Variants in KCNH8 observed in about 807,000 individuals in gnomAD.
The protein encoded by KCNH8 is voltage-gated delayed rectifier potassium channel KCNH8.
KCNH8 carries 70 observed loss-of-function variants against 103.6 expected under a neutral mutation model. That is an observed-to-expected ratio of 0.68 (90% confidence interval 0.56 to 0.82). The LOEUF (loss-of-function observed/expected upper bound fraction) is 0.82, where lower values mean the gene tolerates loss of function less well. Ranked by LOEUF, KCNH8 falls within the 40% of genes least tolerant of loss-of-function variation. KCNH8 has a pLI of 0.00. For synonymous variants in KCNH8, 498 were observed against 489.4 expected (o/e 1.02, Z -0.23); for missense variants, 1,217 against 1,329.9 (o/e 0.92, Z 1.32).
At chr3:19,154,899 G>A (rs1412607351) in intron 1 of KCNH8, among the ~76,000 whole-genome samples, 1 of 152,200 alleles carries the variant, frequency 6.6e-6, no homozygotes, top group Non-Finnish European at 1.5e-5. Flanking sequence ...TATATTTGCT[G>A]ATCTCATCTA....
chr3:19,489,316 C>T (rs746717775), intron 11 of KCNH8, among the ~76,000 whole-genome samples: 5 of 151,980 alleles, frequency 3.3e-5, no homozygotes, highest in South Asian at 4.2e-4. Context: ...TGAATTCCCT[C>T]GGTGGGTGGA....
At chr3:19,290,844 G>C (rs1290615344) in intron 3 of KCNH8, among the ~76,000 whole-genome samples, 4 of 152,134 alleles carry the variant, frequency 2.6e-5, no homozygotes, top group South Asian at 2.1e-4. Flanking sequence ...CTTTGTACCT[G>C]TGGTAGAATT....
chr3:19,355,048 C>G (rs1387296174), intron 5 of KCNH8, among the ~76,000 whole-genome samples: 2 of 152,120 alleles, frequency 1.3e-5, no homozygotes, highest in Non-Finnish European at 2.9e-5. Context: ...AACAATCAAA[C>G]AACCCCATCA....
chr3:19,334,380 G>A (rs1369498425), intron 3 of KCNH8, among the ~76,000 whole-genome samples: 1 of 152,086 alleles, frequency 6.6e-6, no homozygotes, highest in East Asian at 1.9e-4. Context: ...TATAGCTTGC[G>A]ATGATTGCAC....
At chr3:19,151,584 G>A (rs2063130941) in intron 1 of KCNH8, among the ~76,000 whole-genome samples, 1 of 151,988 alleles carries the variant, frequency 6.6e-6, no homozygotes, top group South Asian at 2.1e-4. Flanking sequence ...GACATCATCT[G>A]AAAATCCTCC....
intron 1 of KCNH8, among the ~76,000 whole-genome samples, chr3:19,186,039 T>A (rs1449251503): frequency 6.6e-6 from 1 of 151,832 alleles, no homozygotes; most frequent in Non-Finnish European, 1.5e-5. Context: ...TCATGGAAAA[T>A]AGGGATTTAG....
intron 8 of KCNH8, among the ~76,000 whole-genome samples, chr3:19,442,025 G>A (rs1198212346): frequency 6.6e-6 from 1 of 152,204 alleles, no homozygotes; most frequent in Non-Finnish European, 1.5e-5. Context: ...TTCAGAAGCA[G>A]TGAGAGTTTC....
intron 1 of KCNH8, among the ~76,000 whole-genome samples, chr3:19,191,476 A>T (rs1170833790): frequency 6.6e-6 from 1 of 151,896 alleles, no homozygotes; most frequent in Non-Finnish European, 1.5e-5. Flanking sequence ...CAGTTTAAGA[A>T]TTAACTAATG....
At chr3:19,332,793 C>G (rs553281012) in intron 3 of KCNH8, among the ~76,000 whole-genome samples, 5 of 151,960 alleles carry the variant, frequency 3.3e-5, no homozygotes, top group African/African-American at 4.8e-5. Context: ...CCACCACACC[C>G]AGCTAATTTT....
chr3:19,288,478 G>C (rs954033221), intron 3 of KCNH8, among the ~76,000 whole-genome samples: 2 of 151,746 alleles, frequency 1.3e-5, no homozygotes, highest in African/African-American at 4.8e-5. Context: ...AGAACATATG[G>C]TGTTTGGTTT....
intron 3 of KCNH8, among the ~76,000 whole-genome samples, chr3:19,318,640 AGTGT>A (rs113809907): frequency 3.0e-5 from 4 of 131,340 alleles, no homozygotes; most frequent in East Asian, 2.2e-4. Flanking sequence ...TTACATGGTA[AGTGT>A]GTGTGTGTGT....
chr3:19,393,492 T>C (rs577491605), intron 6 of KCNH8, among the ~76,000 whole-genome samples: 21 of 152,128 alleles, frequency 1.4e-4, no homozygotes, highest in African/African-American at 3.8e-4. Context: ...GGGGAGACTG[T>C]ATCAAAATTA....
At chr3:19,352,780 A>C (rs2065822255) in intron 5 of KCNH8, among the ~76,000 whole-genome samples, 1 of 152,240 alleles carries the variant, frequency 6.6e-6, no homozygotes, top group African/African-American at 2.4e-5. Context: ...AAGAGAAAGC[A>C]GGAAAGATCT....
intron 1 of KCNH8, among the ~76,000 whole-genome samples, chr3:19,237,513 A>G (rs955870140): frequency 6.6e-6 from 1 of 152,222 alleles, no homozygotes; most frequent in African/African-American, 2.4e-5. Context: ...ATACCTGAGT[A>G]TTAAAGGGCA....
intron 5 of KCNH8, among the ~76,000 whole-genome samples, chr3:19,352,035 G>A (rs984166026): frequency 3.3e-5 from 5 of 152,110 alleles, no homozygotes; most frequent in Non-Finnish European, 7.4e-5. Context: ...TAAAGGGATG[G>A]AGGAAGACCT....
chr3:19,218,123 T>C (rs1326436277), intron 1 of KCNH8, among the ~76,000 whole-genome samples: 1 of 152,214 alleles, frequency 6.6e-6, no homozygotes, highest in South Asian at 2.1e-4. Flanking sequence ...TCAGCACAAA[T>C]AGAAGACCTA....
At chr3:19,375,454 C>T (rs2066179083) in intron 5 of KCNH8, among the ~76,000 whole-genome samples, 1 of 151,224 alleles carries the variant, frequency 6.6e-6, no homozygotes, top group South Asian at 2.1e-4. Flanking sequence ...TTTTCAGCTC[C>T]ATCAGCTCCT....
chr3:19,289,081 T>G (rs1319951689), intron 3 of KCNH8, among the ~76,000 whole-genome samples: 3 of 151,730 alleles, frequency 2.0e-5, no homozygotes, highest in Non-Finnish European at 4.4e-5. Context: ...GGGGTTGTTT[T>G]TTTCTTGTAA....
chr3:19,302,510 A>G (rs972304789), intron 3 of KCNH8, among the ~76,000 whole-genome samples: 2 of 152,134 alleles, frequency 1.3e-5, no homozygotes, highest in African/African-American at 2.4e-5. Context: ...ATCATGCTTG[A>G]CTTCTTTGTG....
Sources: allele counts gnomAD v4.1 joint callset (sites outside exome capture counted in the v4.1 genomes callset), GRCh38; gene constraint gnomAD v4.1.1; transcripts MANE v1.5; gene names NCBI Gene and HGNC (gene_info 2026-07-23, HGNC 2026-07-21).